RARB: variants seen among roughly 807,000 people sequenced by gnomAD.
RARB encodes retinoic acid receptor beta, also known as HBV-activated protein.
In RARB, 17 loss-of-function variants were observed where a neutral mutation model predicts 51.9. The ratio of observed to expected loss-of-function variants is 0.33; its 90% confidence interval spans 0.22 to 0.49. The LOEUF is 0.49. Ranked by LOEUF, RARB falls within the 20% of genes least tolerant of loss-of-function variation. The pLI is 0.99. For synonymous variants in RARB, 215 were observed against 195.4 expected, an observed-to-expected ratio of 1.10 and a Z score of -0.84; for missense variants, 369 against 550.8, an observed-to-expected ratio of 0.67 and a Z score of 3.30.
chr3:25,251,056 C>G (rs1331279071), intron 5 of RARB, among the ~76,000 whole-genome samples: 2 of 152,150 alleles, frequency 1.3e-5, no homozygotes, highest in East Asian at 3.9e-4. Flanking sequence ...GTTAGGTGTT[C>G]CATTGTCTGC....
At chr3:25,138,505 A>G (rs1475145365) in intron 4 of RARB, among the ~76,000 whole-genome samples, 1 of 152,066 alleles carries the variant, frequency 6.6e-6, no homozygotes, top group Non-Finnish European at 1.5e-5. Flanking sequence ...TACTGTTTCT[A>G]TTTAAGCTTT....
At chr3:25,527,439 A>G (rs764792191) in intron 3 of RARB, among the ~76,000 whole-genome samples, 1 of 152,230 alleles carries the variant, frequency 6.6e-6, no homozygotes, top group African/African-American at 2.4e-5. Context: ...TTTTTCAACT[A>G]AACCAATTTC....
intron 2 of RARB, among the ~76,000 whole-genome samples, chr3:24,871,666 G>T (rs1460138272): frequency 1.3e-5 from 2 of 152,094 alleles, no homozygotes; most frequent in Non-Finnish European, 2.9e-5. Context: ...CTTCTACTTA[G>T]TATCTCTAGT....
chr3:24,968,030 C>G (rs1477705957), intron 2 of RARB, among the ~76,000 whole-genome samples: 2 of 152,102 alleles, frequency 1.3e-5, no homozygotes, highest in Admixed American at 1.3e-4. Flanking sequence ...CTCTTTGGAG[C>G]TTTGGTGTCT....
intron 4 of RARB, among the ~76,000 whole-genome samples, chr3:25,159,536 T>C (rs2125345762): frequency 6.6e-6 from 1 of 152,254 alleles, no homozygotes; most frequent in African/African-American, 2.4e-5. Flanking sequence ...ATACTATGAC[T>C]GTCTGGAAGG....
At chr3:25,484,692 A>G (rs1285333410) in intron 2 of RARB, among the ~76,000 whole-genome samples, 2 of 152,172 alleles carry the variant, frequency 1.3e-5, no homozygotes, top group Admixed American at 1.3e-4. Context: ...GATTGCTTTC[A>G]TTCTGTGATG....
chr3:25,279,921 C>G (rs1307181454), intron 5 of RARB, among the ~76,000 whole-genome samples: 2 of 151,876 alleles, frequency 1.3e-5, no homozygotes, highest in African/African-American at 4.8e-5. Context: ...CCTCAGGAGG[C>G]AAGACAGGAA....
At chr3:25,566,024 T>TGCCCC (rs1478635833) in intron 3 of RARB, among the ~76,000 whole-genome samples, 1 of 152,154 alleles carries the variant, frequency 6.6e-6, no homozygotes, top group Non-Finnish European at 1.5e-5. Flanking sequence ...GTCCCTGCAC[T>TGCCCC]GCCCCAGGAG....
intron 2 of RARB, among the ~76,000 whole-genome samples, chr3:25,490,961 T>C (rs1696705243): frequency 6.6e-6 from 1 of 152,182 alleles, no homozygotes; most frequent in South Asian, 2.1e-4. Flanking sequence ...CATACAGTTT[T>C]TCTTCCTACC....
In RARB at chr3:25,593,676, C is replaced by T; in HGVS notation, c.960C>T (p.Gly320=). Residue 320 remains glycine (G), a synonymous_variant, in exon 6 of 8, where the codon GGC becomes GGT. Transcript: ENST00000330688. ...TGGAAATGGATGACACAGAAACAGG[C>T]CTTCTCAGTGCCATCTGCTTAATCT... is the stretch of plus-strand genomic sequence containing the variant. ...LPLEMDDTET[G]LLSAICLICG... is the part of the protein sequence containing the mutation. 6.2e-7 allele frequency: 1 copy of T among 1,614,054 alleles called. No individual in the cohort carries two copies. The highest frequency in any genetic ancestry group is 8.5e-7 in the Non-Finnish European group (1 of 1,179,972).
chr3:25,195,385 A>G lies in RARB; in HGVS notation c.178+20810A>G, dbSNP rs183662617. ...GCTAAGAGAATAGATATTTGATGAC[A>G]TTGGATTTGGTTGGTTAATTTCAGC... is the stretch of plus-strand genomic sequence containing the variant. On this transcript the variant is annotated intron_variant, in intron 5 of 11. Coordinates refer to the RARB transcript ENST00000383772. Among the ~76,000 whole-genome samples the G allele has an allele frequency of 3.3e-5, 5 of 151,966 alleles. No individual in the cohort carries two copies. The South Asian group carries it at 6.2e-4, about 19-fold the overall frequency.
intron 5 of RARB, among the ~76,000 whole-genome samples, chr3:25,290,015 G>T (rs1703747363): frequency 6.6e-6 from 1 of 152,104 alleles, no homozygotes; most frequent in Non-Finnish European, 1.5e-5. Context: ...AGGGCCTGTG[G>T]AAATCCCCCT....
intron 5 of RARB, among the ~76,000 whole-genome samples, chr3:25,285,082 G>A (rs546444750): frequency 6.6e-6 from 1 of 152,262 alleles, no homozygotes; most frequent in East Asian, 1.9e-4. Flanking sequence ...TAGATAGAGG[G>A]AGCCCTCATG....
At chr3:25,373,803 C>T (rs570012003) in intron 5 of RARB, among the ~76,000 whole-genome samples, 2 of 152,120 alleles carry the variant, frequency 1.3e-5, no homozygotes, top group Non-Finnish European at 2.9e-5. Flanking sequence ...GTGACTTGAA[C>T]TTTAGAGAGG....
chr3:24,835,073 C>T (rs537591177), intron 1 of RARB, among the ~76,000 whole-genome samples: 2 of 152,186 alleles, frequency 1.3e-5, no homozygotes, highest in South Asian at 4.2e-4. Context: ...TAAGCAAAAA[C>T]AAACAAAATA....
intron 5 of RARB, among the ~76,000 whole-genome samples, chr3:25,310,837 T>C (rs1270490832): frequency 6.6e-6 from 1 of 152,216 alleles, no homozygotes; most frequent in African/African-American, 2.4e-5. Flanking sequence ...GTCAGTGTTT[T>C]TACTCTGAAG....
chr3:25,434,546 CTT>C (rs71624605), intron 1 of RARB, among the ~76,000 whole-genome samples: 4 of 57,502 alleles, frequency 7.0e-5, no homozygotes, highest in African/African-American at 1.2e-4. Context: ...TTTTTTTTTT[CTT>C]TTTTTTTTTT....
intron 5 of RARB, among the ~76,000 whole-genome samples, chr3:25,180,878 A>C (rs1700847139): frequency 6.6e-6 from 1 of 152,236 alleles, no homozygotes; most frequent in Admixed American, 6.5e-5. Context: ...GTCAGGTGGT[A>C]CCATCAATTC....
At chr3:24,860,973 C>G (rs999923903) in intron 2 of RARB, among the ~76,000 whole-genome samples, 1 of 152,126 alleles carries the variant, frequency 6.6e-6, no homozygotes, top group Non-Finnish European at 1.5e-5. Context: ...TTGTGAAACT[C>G]ACACAATGAC....
Sources: allele counts gnomAD v4.1 joint callset (sites outside exome capture counted in the v4.1 genomes callset), GRCh38; gene constraint gnomAD v4.1.1; transcripts MANE v1.5; gene names NCBI Gene and HGNC (gene_info 2026-07-23, HGNC 2026-07-21).